AKAP17A: variants seen among roughly 807,000 people sequenced by gnomAD.
The protein encoded by AKAP17A is A-kinase anchoring protein 17A, also known as A-kinase anchor protein 17A.
AKAP17A carries 15 observed loss-of-function variants against 52.2 expected under a neutral mutation model. The ratio of observed to expected loss-of-function variants is 0.29; its 90% CI spans 0.19 to 0.44. AKAP17A has a LOEUF of 0.44. Among genes scored for constraint, AKAP17A ranks in the 20% least tolerant of loss-of-function variants. The pLI, the probability that AKAP17A is intolerant of heterozygous loss-of-function variation, is 1.00. For synonymous variants in AKAP17A, 514 were observed against 424.7 expected (o/e 1.21, Z -2.58); for missense variants, 1,060 against 1,007.0 (o/e 1.05, Z -0.71).
chrX:1,598,680 T>G (rs1191541742), intron 3 of AKAP17A, among the ~76,000 whole-genome samples: 1 of 152,098 alleles, frequency 6.6e-6, no homozygotes, highest in Non-Finnish European at 1.5e-5. Context: ...TGCAAGGAGC[T>G]GAGTGGCGTG....
chrX:1,599,912 C>G (rs1933261691), intron 4 of AKAP17A: 2 of 538,632 alleles, frequency 3.7e-6, no homozygotes, highest in South Asian at 4.0e-5. Context: ...CAGCGTGAAC[C>G]TGACAGGTCT....
At chrX:1,597,828 C>T (rs1163785297) in intron 3 of AKAP17A, among the ~76,000 whole-genome samples, 8 of 151,880 alleles carry the variant, frequency 5.3e-5, no homozygotes, top group Non-Finnish European at 1.0e-4. Context: ...TTGGGGGAAG[C>T]GGGGCCGGGC....
At position 1,593,933 on chromosome X, in the gene AKAP17A, G is replaced by A; in HGVS notation, c.471G>A (p.Lys157=). ...TCCACCTGGAGGGGCTGCCCTGCAA[G>A]TGGTTCGCCCTGAAGGAGTCGGGCT... is the stretch of plus-strand genomic sequence containing the variant. ...DTIHLEGLPC[K]WFALKESGSE... The change falls in exon 2 of 5, where the codon AAG becomes AAA. Residue 157 remains lysine, a synonymous_variant. Transcript: ENST00000313871. 2.5e-6 allele frequency: 4 copies of A among 1,610,514 alleles called. No individual in the cohort carries two copies. Among genetic ancestry groups the A allele is most frequent in the Non-Finnish European group, 3.4e-6 (4 of 1,177,874 alleles).
In AKAP17A at chrX:1,601,631, G is replaced by C; in HGVS notation, c.*37G>C. The C allele has an allele frequency of 7.2e-7, 1 of 1,384,164 alleles. No homozygotes were observed. Among genetic ancestry groups the C allele is most frequent in the Non-Finnish European group, 9.3e-7 (1 of 1,075,694 alleles). 85.7% of individuals were successfully genotyped at this position (1,384,164 alleles called of 1,614,324 possible). On this transcript the variant is annotated 3_prime_UTR_variant, in exon 5 of 5. Transcript: ENST00000313871. ...GCCTCCCCACGGCCTGTCCGGGAAA[G>C]ACCAGGACCTGCTCGAGCCTCCTGG...
chrX:1,600,830 C>G lies in AKAP17A; in HGVS notation c.1324C>G (p.Leu442Val). 6.3e-7 allele frequency: 1 copy of G among 1,593,106 alleles called. No individual in the cohort carries two copies. The highest frequency in any genetic ancestry group is 2.3e-5 in the East Asian group (1 of 44,258). Residue 442 changes from leucine to valine, a missense_variant, in exon 5 of 5, where the codon CTG becomes GTG. Around this residue, in one of 2 missense-constraint regions of AKAP17A, gnomAD observed 793 missense variants for 629.9 expected, o/e 1.26. Transcript: ENST00000313871. ...GCTGCGCGAGCGGCTGCTGAGCATC[C>G]TGCTGAGCAAGAAGCCGGACGACAG... ...RELRERLLSI[L>V]LSKKPDDSHT...
chrX:1,601,300 G>C lies in AKAP17A; in HGVS notation c.1794G>C (p.Arg598=), dbSNP rs1482453706. Residue 598 remains arginine (R), a synonymous_variant, in exon 5 of 5, where the codon CGG becomes CGC. Transcript: ENST00000313871. Reference sequence around the variant, plus strand: ...CCACCGGAGACGGGCTTGCTGACCGGCACAAGCGGGAGAGGAGCCGGGCCA... The same window carrying C: ...CCACCGGAGACGGGCTTGCTGACCGCCACAAGCGGGAGAGGAGCCGGGCCA... ...GRATGDGLAD[R]HKRERSRARR... is the part of the protein sequence containing the mutation. 1.2e-6 allele frequency: 2 copies of C among 1,608,798 alleles called. No individual in the cohort carries two copies. Among genetic ancestry groups the C allele is most frequent in the African/African-American group, 2.7e-5 (2 of 74,824 alleles).
intron 2 of AKAP17A, among the ~76,000 whole-genome samples, chrX:1,594,726 C>T (rs1469694410): frequency 6.6e-6 from 1 of 151,888 alleles, no homozygotes; most frequent in Non-Finnish European, 1.5e-5. Flanking sequence ...TCGAGCGATT[C>T]TTCTGCCTCA....
intron 3 of AKAP17A, among the ~76,000 whole-genome samples, chrX:1,597,746 A>T (rs1486440213): frequency 6.6e-6 from 1 of 151,826 alleles, no homozygotes; most frequent in Non-Finnish European, 1.5e-5. Flanking sequence ...CTGAGGAGAG[A>T]TGGACGTTGG....
chrX:1,598,110 C>G (rs1933111820), intron 3 of AKAP17A, among the ~76,000 whole-genome samples: 1 of 152,208 alleles, frequency 6.6e-6, no homozygotes, highest in Non-Finnish European at 1.5e-5. Flanking sequence ...AGCTGCCCAG[C>G]CTCGAGGCGT....
At chrX:1,592,042 G>C (rs1378421051) in intron 1 of AKAP17A, among the ~76,000 whole-genome samples, 36 of 151,880 alleles carry the variant, frequency 2.4e-4, no homozygotes, top group African/African-American at 6.5e-4. Flanking sequence ...TGCACCGAAG[G>C]AGCTGAGGCC....
chrX:1,597,178 C>A (rs1302153428), intron 3 of AKAP17A, among the ~76,000 whole-genome samples: 4 of 152,156 alleles, frequency 2.6e-5, no homozygotes, highest in Non-Finnish European at 5.9e-5. Flanking sequence ...AGAGTCCCGG[C>A]ACTGAACTCC....
chrX:1,599,516 C>T lies in AKAP17A; in HGVS notation c.1152+84C>T, dbSNP rs766836990. 149 of 1,536,336 alleles carry T rather than the reference C, an allele frequency of 9.7e-5. No homozygotes were observed. In the South Asian group the frequency reaches 1.4e-3, roughly 15 times the overall value. ...CCCTGAAATGCGGGCGGCGTCACGG[C>T]GCCGTTTCCCCGCCGGCTGCAGCTG... On this transcript the variant is annotated intron_variant, in intron 4 of 4. Coordinates refer to ENST00000313871, the MANE Select transcript of AKAP17A (RefSeq NM_005088.3).
chrX:1,598,326 G>A (rs1483498753), intron 3 of AKAP17A, among the ~76,000 whole-genome samples: 143 of 152,292 alleles, frequency 9.4e-4, no homozygotes, highest in Non-Finnish European at 1.7e-3. Flanking sequence ...GTGGCAGAGC[G>A]TGGGATGCCT....
intron 4 of AKAP17A, chrX:1,600,202 C>T (rs1933278836): frequency 6.9e-6 from 9 of 1,311,778 alleles, no homozygotes; most frequent in Non-Finnish European, 9.0e-6. Flanking sequence ...CAGTCCTTAC[C>T]TCATGGTGAA....
rs1933431055 is a variant in AKAP17A at position 1,602,259 on chromosome X, A to G, written c.*665A>G. 6.6e-6 allele frequency: 1 copy of G among 152,236 alleles called. No homozygotes were observed. Among genetic ancestry groups the G allele is most frequent in the East Asian group, 1.9e-4 (1 of 5,200 alleles). The allele number at this position is 152,236 out of a possible 1,614,324, so 9.4% of individuals were successfully genotyped here. A position where few individuals can be genotyped will look rare whatever the true frequency, so the allele number is the denominator to read the frequency against. On this transcript the variant is annotated 3_prime_UTR_variant, in exon 5 of 5. Transcript: ENST00000313871. Reference sequence around the variant, plus strand: ...TTTTTACAACGTCAAGGAATTAAGCATAAAAAAGATTGGTTAAAAGCTTTG... The same window carrying G: ...TTTTTACAACGTCAAGGAATTAAGCGTAAAAAAGATTGGTTAAAAGCTTTG...
At chrX:1,596,244 C>A (rs867224800) in intron 3 of AKAP17A, among the ~76,000 whole-genome samples, 8,776 of 128,674 alleles carry the variant, frequency 0.068, 309 homozygotes, top group Middle Eastern at 0.13. Context: ...AAAAAAAAAA[C>A]AAAAAACCAA....
At chrX:1,592,311 C>T (rs1932852415) in intron 1 of AKAP17A, among the ~76,000 whole-genome samples, 1 of 151,690 alleles carries the variant, frequency 6.6e-6, no homozygotes, top group South Asian at 2.1e-4. Flanking sequence ...GGGGCCCTGC[C>T]AGGGGTGCCA....
intron 3 of AKAP17A, among the ~76,000 whole-genome samples, chrX:1,598,117 G>C (rs1279171282): frequency 6.6e-6 from 1 of 152,210 alleles, no homozygotes; most frequent in Non-Finnish European, 1.5e-5. Context: ...CAGCCTCGAG[G>C]CGTCGCTGTG....
intron 3 of AKAP17A, 104 bp from the exon 4 acceptor site, chrX:1,599,088 G>T (rs1292056461): frequency 1.3e-6 from 2 of 1,513,790 alleles, no homozygotes; most frequent in Non-Finnish European, 8.9e-7. Flanking sequence ...ATGCTTAATC[G>T]TTGGACCGTG....
Sources: allele counts gnomAD v4.1 joint callset (sites outside exome capture counted in the v4.1 genomes callset), GRCh38; gene constraint gnomAD v4.1.1; regional missense constraint gnomAD v4.1.1; transcripts MANE v1.5; gene names NCBI Gene and HGNC (gene_info 2026-07-23, HGNC 2026-07-21).